Variants in TNFSF4 observed in about 807,000 individuals in gnomAD.
The protein encoded by TNFSF4 is tumor necrosis factor ligand superfamily member 4.
Under a neutral mutation model 7.3 loss-of-function variants are expected in TNFSF4, and 4 were observed. That is an observed-to-expected ratio of 0.55 (90% CI 0.27 to 1.25). The LOEUF (loss-of-function observed/expected upper bound fraction) is 1.25. Among genes scored for constraint, TNFSF4 ranks in the 50% most tolerant of loss-of-function variants. The probability of loss-of-function intolerance (pLI) is 0.12; values close to 1 mark genes in which losing one functional copy is unlikely to be tolerated. For missense variants in TNFSF4, 181 were observed against 208.8 expected (o/e 0.87, Z 0.82); for synonymous variants, 76 against 83.7 (o/e 0.91, Z 0.50).
chr1:173,356,707 C>T, the TNFSF4 span, among the ~76,000 whole-genome samples: 1 of 152,228 alleles, frequency 6.6e-6, no homozygotes, highest in Non-Finnish European at 1.5e-5. Context: ...GTTTCACATG[C>T]CTGGTCATGC....
Position 173,184,591 on chromosome 1 carries a change from A to G in TNFSF4, c.*1925T>C, listed in dbSNP as rs1649143250. ...GATAAAAATTCCAAACTTAAAAATG[A>G]ACCATGCATTTTCTTAAATATTACC... On this transcript the variant is annotated 3_prime_UTR_variant, in exon 3 of 3. Coordinates refer to ENST00000281834, the MANE Select transcript of TNFSF4 (RefSeq NM_003326.5). 6.6e-6 allele frequency: 1 copy of G among 152,210 alleles called. No homozygotes were observed. Among genetic ancestry groups the G allele is most frequent in the African/African-American group, 2.4e-5 (1 of 41,454 alleles). 9.4% of individuals were successfully genotyped at this position (152,210 alleles called of 1,614,324 possible).
rs1162884564 is a variant in TNFSF4 at position 173,185,865 on chromosome 1, G to A, written c.*651C>T. ...TTCTATTAACTATGTTTGGAGGCTGGGAAAGCAAAATGGTAAAGAAAAAAA... is the reference window on the plus strand; with the variant it reads ...TTCTATTAACTATGTTTGGAGGCTGAGAAAGCAAAATGGTAAAGAAAAAAA... On this transcript the variant is annotated 3_prime_UTR_variant, in exon 3 of 3. Transcript: ENST00000281834. 6.7e-6 allele frequency: 1 copy of A among 150,252 alleles called. No homozygotes were observed. Among genetic ancestry groups the A allele is most frequent in the African/African-American group, 2.4e-5 (1 of 41,342 alleles). The allele number at this position is 150,252 out of a possible 1,614,324, so 9.3% of individuals were successfully genotyped here.
At chr1:173,309,944 T>A in the TNFSF4 span, among the ~76,000 whole-genome samples, 2 of 151,954 alleles carry the variant, frequency 1.3e-5, no homozygotes, top group Non-Finnish European at 2.9e-5. Flanking sequence ...TTCACATACA[T>A]TTTTAATGTA....
At chr1:173,283,976 C>A in the TNFSF4 span, among the ~76,000 whole-genome samples, 3 of 150,916 alleles carry the variant, frequency 2.0e-5, no homozygotes, top group African/African-American at 7.3e-5. Flanking sequence ...AAGTACTACT[C>A]CAGTGAACAC....
chr1:173,172,997 G>A, the TNFSF4 span, among the ~76,000 whole-genome samples: 1 of 152,118 alleles, frequency 6.6e-6, no homozygotes, highest in African/African-American at 2.4e-5. Context: ...AGCAAGAAGT[G>A]CAGAGTGAAG....
the TNFSF4 span, among the ~76,000 whole-genome samples, chr1:173,340,402 G>A: frequency 1.3e-5 from 2 of 151,002 alleles, no homozygotes; most frequent in East Asian, 3.9e-4. Flanking sequence ...GGAGAACCCT[G>A]ATTACTATAG....
chr1:173,345,761 GGA>G, the TNFSF4 span, among the ~76,000 whole-genome samples: 2 of 152,208 alleles, frequency 1.3e-5, no homozygotes, highest in African/African-American at 2.4e-5. Flanking sequence ...GTTTGGTTAA[GGA>G]GAGAGTCTCA....
the TNFSF4 span, among the ~76,000 whole-genome samples, chr1:173,368,975 A>T: frequency 6.6e-6 from 1 of 152,154 alleles, no homozygotes; most frequent in African/African-American, 2.4e-5. Context: ...AGGCTCACCA[A>T]TAAGAAAGAT....
At chr1:173,213,578 C>CA in the TNFSF4 span, among the ~76,000 whole-genome samples, 1 of 151,948 alleles carries the variant, frequency 6.6e-6, no homozygotes, top group African/African-American at 2.4e-5. Context: ...TTTTCTTTTT[C>CA]AAAAAAATCA....
chr1:173,336,381 C>G, the TNFSF4 span, among the ~76,000 whole-genome samples: 1 of 152,194 alleles, frequency 6.6e-6, no homozygotes, highest in African/African-American at 2.4e-5. Context: ...CAGATGGTGA[C>G]TCCAATTGGA....
chr1:173,414,259 C>T, the TNFSF4 span, among the ~76,000 whole-genome samples: 7 of 152,264 alleles, frequency 4.6e-5, no homozygotes, highest in Middle Eastern at 3.4e-3. Context: ...AGCTTGCAGA[C>T]GGCCACCTTC....
the TNFSF4 span, among the ~76,000 whole-genome samples, chr1:173,313,120 G>A: frequency 6.6e-6 from 1 of 152,034 alleles, no homozygotes; most frequent in African/African-American, 2.4e-5. Context: ...TTCTACCTTA[G>A]TAACCAATGT....
the TNFSF4 span, among the ~76,000 whole-genome samples, chr1:173,414,749 T>A: frequency 6.6e-6 from 1 of 152,232 alleles, no homozygotes; most frequent in Non-Finnish European, 1.5e-5. Context: ...ATATATCCAC[T>A]GGCTCCTCTC....
At chr1:173,328,693 T>A in the TNFSF4 span, among the ~76,000 whole-genome samples, 3 of 151,622 alleles carry the variant, frequency 2.0e-5, no homozygotes, top group Non-Finnish European at 2.9e-5. Flanking sequence ...TTTAAAAAAA[T>A]AAAAATAAAT....
chr1:173,420,960 G>GT, the TNFSF4 span, among the ~76,000 whole-genome samples: 1 of 152,072 alleles, frequency 6.6e-6, no homozygotes, highest in Non-Finnish European at 1.5e-5. Context: ...ATATCCATTT[G>GT]TTTTTTACTA....
chr1:173,323,169 G>A, the TNFSF4 span, among the ~76,000 whole-genome samples: 3 of 152,182 alleles, frequency 2.0e-5, no homozygotes, highest in Non-Finnish European at 2.9e-5. Flanking sequence ...ACACGGCCGG[G>A]TACTCCTCTG....
the TNFSF4 span, among the ~76,000 whole-genome samples, chr1:173,442,545 G>GTTTT: frequency 3.7e-3 from 343 of 93,446 alleles, 68 homozygotes; most frequent in Middle Eastern, 0.025. Context: ...TTTCGTTTTT[G>GTTTT]TTTTTGTTTT....
the TNFSF4 span, among the ~76,000 whole-genome samples, chr1:173,313,092 C>T: frequency 6.6e-6 from 1 of 152,080 alleles, no homozygotes; most frequent in Non-Finnish European, 1.5e-5. Flanking sequence ...CTTCACTTTT[C>T]TACTAAATAG....
upstream of TNFSF4, among the ~76,000 whole-genome samples, chr1:173,212,236 A>G (rs188020954): frequency 3.9e-5 from 6 of 152,208 alleles, no homozygotes; most frequent in Admixed American, 3.9e-4. Flanking sequence ...TGACCCAAAC[A>G]CTTCCCATTA....
Sources: allele counts gnomAD v4.1 joint callset (sites outside exome capture counted in the v4.1 genomes callset), GRCh38; gene constraint gnomAD v4.1.1; transcripts MANE v1.5; gene names NCBI Gene and HGNC (gene_info 2026-07-23, HGNC 2026-07-21).